The following SLC9C2 variants were observed in gnomAD, a reference collection of about 807,000 sequenced individuals.
SLC9C2 encodes the protein solute carrier family 9 member C2 (putative), also known as sodium/hydrogen exchanger 11.
A neutral mutation model predicts 140.2 loss-of-function variants in SLC9C2; 75 were observed. That is an observed-to-expected ratio of 0.53 (90% CI 0.44 to 0.65). The LOEUF (loss-of-function observed/expected upper bound fraction) is 0.65. SLC9C2 is among the 30% of genes least tolerant of loss of function. SLC9C2 has a pLI of 0.00. For synonymous variants in SLC9C2, 375 were observed against 420.9 expected (o/e 0.89, Z 1.34); for missense variants, 1,074 against 1,331.8 (o/e 0.81, Z 3.01).
chr1:173,597,927 T>C lies in SLC9C2; in HGVS notation c.334A>G (p.Thr112Ala), dbSNP rs1666535530. The C allele has an allele frequency of 1.3e-6, 2 of 1,587,958 alleles. No individual in the cohort carries two copies. The highest frequency in any genetic ancestry group is 1.4e-5 in the African/African-American group (1 of 73,254). ...FMVALDVEFY[T>A]LKKMFWQVLL... Reference sequence around the variant, plus strand: ...ACCTGCCAAAACATTTTCTTGAGTGTATAAAATTCTACATCCAAAGCAACC... The same window carrying C: ...ACCTGCCAAAACATTTTCTTGAGTGCATAAAATTCTACATCCAAAGCAACC... The change falls in exon 4 of 28, where the codon ACA (threonine) becomes GCA (alanine). Residue 112 changes from threonine (T) to alanine (A), a missense_variant. By Grantham distance (58) the Thr-to-Ala change is moderately conservative. Transcript: ENST00000367714.
intron 7 of SLC9C2, among the ~76,000 whole-genome samples, chr1:173,578,223 T>C (rs1217945060): frequency 6.6e-6 from 1 of 152,202 alleles, no homozygotes; most frequent in Non-Finnish European, 1.5e-5. Flanking sequence ...CTAGAACCCA[T>C]GTTCTTTCAT....
At chr1:173,556,698 C>G (rs568823769) in intron 10 of SLC9C2, among the ~76,000 whole-genome samples, 1 of 151,934 alleles carries the variant, frequency 6.6e-6, no homozygotes, top group Admixed American at 6.6e-5. Context: ...AGGTGGATCA[C>G]CTGAGGCCAA....
intron 23 of SLC9C2, among the ~76,000 whole-genome samples, chr1:173,510,426 C>T (rs1194966382): frequency 6.6e-6 from 1 of 152,112 alleles, no homozygotes; most frequent in African/African-American, 2.4e-5. Context: ...ATCAACATGT[C>T]ATCTAAGTTT....
At chr1:173,516,932 C>T (rs2101928028) in intron 23 of SLC9C2, among the ~76,000 whole-genome samples, 1 of 152,338 alleles carries the variant, frequency 6.6e-6, no homozygotes, top group Middle Eastern at 3.4e-3. Flanking sequence ...CTCCCACTAA[C>T]AGTGTGTAAT....
intron 8 of SLC9C2, among the ~76,000 whole-genome samples, chr1:173,576,111 G>A (rs1039925405): frequency 3.9e-5 from 6 of 152,070 alleles, no homozygotes; most frequent in African/African-American, 1.2e-4. Flanking sequence ...TACATTAGAC[G>A]ATGATTTGGT....
At chr1:173,572,146 G>A (rs1371987806) in intron 9 of SLC9C2, among the ~76,000 whole-genome samples, 1 of 152,202 alleles carries the variant, frequency 6.6e-6, no homozygotes, top group African/African-American at 2.4e-5. Flanking sequence ...TGTGGGAGAT[G>A]GAATTTGGAT....
chr1:173,563,087 G>A (rs761280835), intron 9 of SLC9C2, among the ~76,000 whole-genome samples: 2 of 151,788 alleles, frequency 1.3e-5, no homozygotes, highest in African/African-American at 2.4e-5. Context: ...GAAGCCACGG[G>A]GGGCCAGGAT....
chr1:173,593,857 G>A (rs1666306588), intron 4 of SLC9C2, among the ~76,000 whole-genome samples: 1 of 152,126 alleles, frequency 6.6e-6, no homozygotes, highest in Admixed American at 6.5e-5. Flanking sequence ...CCCAACACAG[G>A]AGCACCTAGA....
At chr1:173,503,152 A>G (rs1196841205) in intron 27 of SLC9C2, 114 bp downstream of exon 27, 2 of 703,484 alleles carry the variant, frequency 2.8e-6, no homozygotes, top group Non-Finnish European at 4.8e-6. Context: ...AGTTGTAGCT[A>G]GGAGTGTCTT....
At chr1:173,573,403 A>G in intron 8 of SLC9C2, 78 bp from the exon 9 acceptor site, 1 of 1,037,260 alleles carries the variant, frequency 9.6e-7, no homozygotes, top group Non-Finnish European at 1.4e-6. Flanking sequence ...AAAATCATAT[A>G]TCTTATATCT....
At chr1:173,508,829 T>A (rs1439326688) in intron 24 of SLC9C2, among the ~76,000 whole-genome samples, 1 of 152,172 alleles carries the variant, frequency 6.6e-6, no homozygotes, top group African/African-American at 2.4e-5. Context: ...GAACCACTAC[T>A]CTTTGGAGGG....
chr1:173,582,926 G>A (rs578157771), intron 6 of SLC9C2, among the ~76,000 whole-genome samples: 7 of 152,308 alleles, frequency 4.6e-5, no homozygotes, highest in African/African-American at 1.4e-4. Flanking sequence ...AATTCTGAGC[G>A]AGCTGACACT....
chr1:173,526,917 C>T (rs979132823), intron 18 of SLC9C2, among the ~76,000 whole-genome samples: 8 of 152,098 alleles, frequency 5.3e-5, no homozygotes, highest in African/African-American at 1.9e-4. Flanking sequence ...GCAATCTCAG[C>T]TCACTGCAAC....
intron 5 of SLC9C2, among the ~76,000 whole-genome samples, chr1:173,585,188 T>C (rs1665775939): frequency 6.6e-6 from 1 of 152,180 alleles, no homozygotes; most frequent in Non-Finnish European, 1.5e-5. Flanking sequence ...AAACAGGTAA[T>C]GGATAGACAA....
chr1:173,511,010 T>C (rs1485791601), intron 23 of SLC9C2, among the ~76,000 whole-genome samples: 7 of 148,996 alleles, frequency 4.7e-5, no homozygotes, highest in Non-Finnish European at 1.5e-5. Flanking sequence ...GTTTCCTGGA[T>C]TTTTTTTCCT....
intron 2 of SLC9C2, 39 bp downstream of exon 2, chr1:173,601,611 A>G: frequency 6.2e-7 from 1 of 1,601,500 alleles, no homozygotes; most frequent in Non-Finnish European, 8.5e-7. Context: ...AAAGGTTCAC[A>G]GGGCAGAGGA....
chr1:173,588,531 T>C (rs1307865502), intron 4 of SLC9C2, among the ~76,000 whole-genome samples: 9 of 152,220 alleles, frequency 5.9e-5, no homozygotes, highest in Admixed American at 2.0e-4. Flanking sequence ...TAACGTCATA[T>C]GGTTTTTCTT....
chr1:173,524,942 A>G lies in SLC9C2; in HGVS notation c.2366-15T>C, dbSNP rs1661092692. 3 of 1,612,116 alleles carry G rather than the reference A, an allele frequency of 1.9e-6. No homozygotes were observed. Among genetic ancestry groups the G allele is most frequent in the South Asian group, 2.2e-5 (2 of 90,792 alleles). On this transcript the variant is annotated splice_polypyrimidine_tract_variant and intron_variant, in intron 19 of 27. Coordinates refer to ENST00000367714, the MANE Select transcript of SLC9C2 (RefSeq NM_178527.4). The stretch of plus-strand genomic sequence containing the variant: ...CTCCATGAGTACTACAGCAAAGAAA[A>G]TAAAATTCAGTAAGTGGCCTATGCA...
At chr1:173,582,962 G>T (rs1665637260) in intron 6 of SLC9C2, among the ~76,000 whole-genome samples, 1 of 152,188 alleles carries the variant, frequency 6.6e-6, no homozygotes, top group African/African-American at 2.4e-5. Context: ...GACACTATAT[G>T]TGTGCACACA....
Sources: allele counts gnomAD v4.1 joint callset (sites outside exome capture counted in the v4.1 genomes callset), GRCh38; gene constraint gnomAD v4.1.1; transcripts MANE v1.5; gene names NCBI Gene and HGNC (gene_info 2026-07-23, HGNC 2026-07-21).